The following HEATR4 variants were observed in gnomAD, a reference collection of about 807,000 sequenced individuals.
HEATR4 encodes HEAT repeat containing 4.
HEATR4 carries 95 observed loss-of-function variants against 108.8 expected under a neutral mutation model. That is an observed-to-expected ratio of 0.87 (90% CI 0.74 to 1.04). The LOEUF is 1.04. HEATR4 is among the 50% of genes least tolerant of loss of function. HEATR4 has a pLI of 0.00. For missense variants in HEATR4, 1,152 were observed against 1,253.8 expected (o/e 0.92, Z 1.23); for synonymous variants, 443 against 459.4 (o/e 0.96, Z 0.46).
the HEATR4 span, among the ~76,000 whole-genome samples, chr14:73,616,333 T>A: frequency 2.6e-5 from 4 of 151,632 alleles, no homozygotes; most frequent in Admixed American, 2.0e-4. Flanking sequence ...TATTATTATT[T>A]TTGAGATAGA....
At chr14:73,610,709 G>A in the HEATR4 span, among the ~76,000 whole-genome samples, 1 of 152,116 alleles carries the variant, frequency 6.6e-6, no homozygotes, top group Admixed American at 6.6e-5. Context: ...TGGACTGCAG[G>A]GCAGTTCTCT....
the HEATR4 span, chr14:73,619,912 C>T: frequency 1.5e-6 from 2 of 1,315,768 alleles, no homozygotes; most frequent in Admixed American, 2.7e-5. Context: ...TTCTTTCTTT[C>T]TTTTCTCTTT....
At position 73,509,454 on chromosome 14, in the gene HEATR4, C is replaced by T; in HGVS notation, c.1578G>A (p.Leu526=). The T allele has an allele frequency of 1.9e-6, 3 of 1,613,980 alleles. No homozygotes were observed. Among genetic ancestry groups the T allele is most frequent in the Non-Finnish European group, 2.5e-6 (3 of 1,180,010 alleles). The change falls in exon 8 of 18, where the codon TTG becomes TTA. Residue 526 remains leucine, a synonymous_variant. Coordinates refer to ENST00000553558, the MANE Select transcript of HEATR4 (RefSeq NM_001220484.1). ...CTAGGGCAGGCAGTAGAACCTCCGGCAAGTCCTGGATGGTCTTGTCTGTGA... is the reference window on the plus strand; with the variant it reads ...CTAGGGCAGGCAGTAGAACCTCCGGTAAGTCCTGGATGGTCTTGTCTGTGA... The part of the protein sequence containing the change: ...QRDSDKTIQD[L]PEVLLPALEA...
chr14:73,607,782 C>T, the HEATR4 span, among the ~76,000 whole-genome samples: 1 of 151,796 alleles, frequency 6.6e-6, no homozygotes, highest in African/African-American at 2.4e-5. Flanking sequence ...CACCACCACG[C>T]CTGGCTAATT....
chr14:73,545,783 C>A (rs1889220815), intron 1 of HEATR4, among the ~76,000 whole-genome samples: 1 of 108,516 alleles, frequency 9.2e-6, no homozygotes, highest in African/African-American at 3.0e-5. Context: ...TGCTGAAGCC[C>A]TTTTGAGACC....
chr14:73,525,106 T>TGCA (rs1888247827), intron 2 of HEATR4, among the ~76,000 whole-genome samples: 1 of 152,196 alleles, frequency 6.6e-6, no homozygotes, highest in South Asian at 2.1e-4. Flanking sequence ...CATAGCTCAC[T>TGCA]GCAGCCTCAA....
chr14:73,523,117 G>C lies in HEATR4; in HGVS notation c.36C>G (p.Pro12=), dbSNP rs757945761. ...TRTQKGKTFL[P]HCFYQSLPPR... The stretch of plus-strand genomic sequence containing the variant: ...GGGGCAGTGACTGATAGAAGCAATG[G>C]GGGAGAAAGGTCTTTCCCTTCTGGG... The change falls in exon 3 of 18, where the codon CCC becomes CCG. Residue 12 remains proline (P), a synonymous_variant. Coordinates refer to ENST00000553558, the MANE Select transcript of HEATR4 (RefSeq NM_001220484.1). 1.2e-6 allele frequency: 2 copies of C among 1,606,454 alleles called. No homozygotes were observed. The highest frequency in any genetic ancestry group is 1.7e-6 in the Non-Finnish European group (2 of 1,179,790).
chr14:73,569,332 C>T, the HEATR4 span: 2 of 1,613,984 alleles, frequency 1.2e-6, no homozygotes, highest in Non-Finnish European at 1.7e-6. Flanking sequence ...CTTCGAGCGT[C>T]CCGGCTGTAC....
At chr14:73,578,956 G>A in the HEATR4 span, among the ~76,000 whole-genome samples, 2 of 151,688 alleles carry the variant, frequency 1.3e-5, no homozygotes, top group Admixed American at 6.6e-5. Context: ...GTGATGGCGG[G>A]TGCCTGTAGT....
In HEATR4 at chr14:73,506,498, G is replaced by T; in HGVS notation, c.1955C>A (p.Ala652Asp). The T allele has an allele frequency of 6.2e-7, 1 of 1,613,726 alleles. No individual in the cohort carries two copies. The highest frequency in any genetic ancestry group is 8.5e-7 in the Non-Finnish European group (1 of 1,179,954). ...QWKNRIVACQ[A>D]FSRISGNVCL... ...GACATTTCCACTGATCCGGGAGAAA[G>T]CCTGGCAGGCCACAATCCGGTTCTT... Residue 652 changes from alanine to aspartate, a missense_variant, in exon 10 of 18, where the codon GCT becomes GAT. Ala to Asp is a moderately radical substitution (Grantham distance 126). Coordinates refer to ENST00000553558, the MANE Select transcript of HEATR4 (RefSeq NM_001220484.1).
At chr14:73,579,820 C>T in the HEATR4 span, among the ~76,000 whole-genome samples, 2 of 151,774 alleles carry the variant, frequency 1.3e-5, no homozygotes, top group African/African-American at 4.8e-5. Flanking sequence ...GGACCAGGCA[C>T]GGTAGCTCAT....
chr14:73,592,056 A>T, the HEATR4 span: 8 of 1,478,406 alleles, frequency 5.4e-6, no homozygotes, highest in Non-Finnish European at 7.2e-6. Flanking sequence ...GCAGCGGGTT[A>T]CGCTGCGCGC....
At chr14:73,559,635 G>A (rs992501864), upstream of HEATR4, among the ~76,000 whole-genome samples, 9 of 152,036 alleles carry the variant, frequency 5.9e-5, no homozygotes, top group Non-Finnish European at 1.0e-4. Context: ...CCAGCTACTC[G>A]GGAGGCTGAG....
chr14:73,508,933 C>T (rs1031106876), intron 8 of HEATR4, among the ~76,000 whole-genome samples: 5 of 151,876 alleles, frequency 3.3e-5, no homozygotes, highest in Admixed American at 3.3e-4. Context: ...GCAGCTTCAA[C>T]CCCCTGGGCT....
the HEATR4 span, among the ~76,000 whole-genome samples, chr14:73,617,519 T>C: frequency 6.6e-6 from 1 of 152,140 alleles, no homozygotes; most frequent in Non-Finnish European, 1.5e-5. Flanking sequence ...CCTGAAGACT[T>C]GACTATTTAG....
chr14:73,590,717 C>T, the HEATR4 span, among the ~76,000 whole-genome samples: 1 of 151,788 alleles, frequency 6.6e-6, no homozygotes, highest in African/African-American at 2.4e-5. Flanking sequence ...GCGGGCCGGC[C>T]GGCCGCTCCA....
the HEATR4 span, chr14:73,591,873 G>A: frequency 2.7e-5 from 34 of 1,274,260 alleles, no homozygotes; most frequent in Admixed American, 4.2e-5. Context: ...AGGGGACGCC[G>A]GACGCCGTCC....
the HEATR4 span, among the ~76,000 whole-genome samples, chr14:73,578,894 G>C: frequency 6.6e-6 from 1 of 151,774 alleles, no homozygotes; most frequent in East Asian, 1.9e-4. Context: ...GACCATCCTG[G>C]CTAACACAGT....
rs775651977 is a variant in HEATR4 at position 73,522,967 on chromosome 14, T to C, written c.186A>G (p.Gln62=). 1.6e-5 allele frequency: 26 copies of C among 1,614,126 alleles called. No homozygotes were observed. In the East Asian group the frequency reaches 3.3e-4, roughly 21 times the overall value. Residue 62 remains glutamine, a synonymous_variant, in exon 3 of 18, where the codon CAA becomes CAG. Transcript: ENST00000553558. The part of the protein sequence containing the change: ...SSQYRLHRKS[Q]YLKMAAANLT... Reference sequence around the variant, plus strand: ...GGTTTGCAGCAGCCATTTTCAAATATTGGCTCTTGCGGTGTAGACGGTACT... The same window carrying C: ...GGTTTGCAGCAGCCATTTTCAAATACTGGCTCTTGCGGTGTAGACGGTACT...
Sources: gnomAD v4.1 joint callset for allele counts (sites outside exome capture counted in the v4.1 genomes callset) on GRCh38, gnomAD v4.1.1 for gene constraint, MANE v1.5 for transcripts, NCBI Gene and HGNC (gene_info 2026-07-23, HGNC 2026-07-21) for gene names.